The following MEAK7 variants were observed in gnomAD, a reference collection of about 807,000 sequenced individuals.
MEAK7 encodes the protein MTOR associated protein MEAK7, also known as MTOR-associated protein MEAK7.
Under a neutral mutation model 40.5 loss-of-function variants are expected in MEAK7, and 68 were observed. The ratio of observed to expected loss-of-function variants is 1.68; its 90% confidence interval spans 1.38 to 2.06. The LOEUF (loss-of-function observed/expected upper bound fraction) is 2.06, where lower values mean the gene tolerates loss of function less well. MEAK7 is among the 30% of genes most tolerant of loss of function. The probability of loss-of-function intolerance (pLI) is 0.00; values close to 1 mark genes in which losing one functional copy is unlikely to be tolerated. For missense variants in MEAK7, 918 were observed against 580.5 expected, an observed-to-expected ratio of 1.58 and a Z score of -5.98; for synonymous variants, 338 against 231.9, an observed-to-expected ratio of 1.46 and a Z score of -4.16.
At chr16:84,495,541 A>C in intron 3 of MEAK7, 142 bp downstream of exon 3, 1 of 771,362 alleles carries the variant, frequency 1.3e-6, no homozygotes, top group Non-Finnish European at 2.1e-6. Flanking sequence ...TAACCTTGGC[A>C]AAATAAACTC....
chr16:84,483,901 T>C (rs933125146), intron 5 of MEAK7, among the ~76,000 whole-genome samples: 1 of 152,078 alleles, frequency 6.6e-6, no homozygotes, highest in Admixed American at 6.5e-5. Context: ...GGCTAGAAAG[T>C]TCCACTGGAA....
At chr16:84,496,575 T>C (rs1031742446) in intron 2 of MEAK7, among the ~76,000 whole-genome samples, 5 of 152,154 alleles carry the variant, frequency 3.3e-5, no homozygotes, top group Admixed American at 2.6e-4. Flanking sequence ...CTTCCACTCA[T>C]CGTGAGCCGT....
In MEAK7 at chr16:84,480,679, C is replaced by T; in HGVS notation, c.1107G>A (p.Gly369=). 2 of 1,613,592 alleles carry T rather than the reference C, an allele frequency of 1.2e-6. No homozygotes were observed. The highest frequency in any genetic ancestry group is 8.5e-7 in the Non-Finnish European group (1 of 1,179,754). ...TCCCAAAATCAACATCCACCCAAAG[C>T]CCAAAGTAATTGTGCTGCCCCCCCA... is the stretch of plus-strand genomic sequence containing the variant. The part of the protein sequence containing the change: ...LGMGGQHNYF[G]LWVDVDFGKG... The change falls in exon 7 of 8, where the codon GGG becomes GGA. Residue 369 remains glycine, a synonymous_variant. Transcript: ENST00000343629.
At position 84,495,758 on chromosome 16, in the gene MEAK7, G is replaced by C. The variant is rs746713807; in HGVS notation, c.309C>G (p.Ser103=). Residue 103 remains serine, a synonymous_variant, in exon 3 of 8, where the codon TCC becomes TCG. Coordinates refer to ENST00000343629, the MANE Select transcript of MEAK7 (RefSeq NM_020947.4). ...TCATAATCATGAGACTCTTCTCCTC[G>C]GAGTTTCCTTTCAACAGGTGGGACA... ...ASMSHLLKGN[S]EEKSLMIMKM... is the part of the protein sequence containing the mutation. 6.2e-7 allele frequency: 1 copy of C among 1,613,954 alleles called. No homozygotes were observed. Among genetic ancestry groups the C allele is most frequent in the Non-Finnish European group, 8.5e-7 (1 of 1,180,006 alleles).
rs780593524 is a variant in MEAK7, at chr16:84,480,725, G to A, written c.1078-17C>T. 3 of 1,600,590 alleles carry A rather than the reference G, an allele frequency of 1.9e-6. No homozygotes were observed. Among genetic ancestry groups the A allele is most frequent in the African/African-American group, 1.3e-5 (1 of 74,578 alleles). On this transcript the variant is annotated splice_polypyrimidine_tract_variant and intron_variant, in intron 6 of 7. Transcript: ENST00000343629. The stretch of plus-strand genomic sequence containing the variant: ...CCCCATACCCTGCAAAGGAAGCCAG[G>A]ACAGAGAATAGCATCAGCAACTCCT...
At chr16:84,486,497 T>A in intron 5 of MEAK7, 134 bp downstream of exon 5, 1 of 1,439,272 alleles carries the variant, frequency 6.9e-7, no homozygotes, top group Non-Finnish European at 9.1e-7. Context: ...CATTTTCCTA[T>A]CGCCCCGACT....
At chr16:84,497,244 CCTT>C (rs1914126397) in intron 2 of MEAK7, 1 of 389,204 alleles carries the variant, frequency 2.6e-6, no homozygotes, top group African/African-American at 2.1e-5. Flanking sequence ...GACGGCATCT[CCTT>C]GTCAGTGTCT....
rs373100139 is a variant in MEAK7, at chr16:84,479,952, G to A, written c.1332C>T (p.Arg444=). The change falls in exon 8 of 8, where the codon CGC becomes CGT. Residue 444 remains arginine (R), a synonymous_variant. Transcript: ENST00000343629. The part of the protein sequence containing the change: ...QALLEISGHS[R]HSEGLREVPD... The stretch of plus-strand genomic sequence containing the variant: ...GGACTTCCCGGAGCCCTTCGCTGTG[G>A]CGCGAATGCCCACTGATCTCCAGCA... The A allele has an allele frequency of 8.1e-6, 13 of 1,610,298 alleles. No individual in the cohort carries two copies. The highest frequency in any genetic ancestry group is 5.0e-5 in the Admixed American group (3 of 59,876).
At chr16:84,486,062 G>C (rs1210705645) in intron 5 of MEAK7, 1 of 152,184 alleles carries the variant, frequency 6.6e-6, no homozygotes, top group South Asian at 2.1e-4. Context: ...CTGGGTTCAA[G>C]TGATCCTCCT....
At chr16:84,493,649 T>TA (rs1266883149) in intron 3 of MEAK7, among the ~76,000 whole-genome samples, 1 of 152,242 alleles carries the variant, frequency 6.6e-6, no homozygotes, top group African/African-American at 2.4e-5. Flanking sequence ...CTAATTTCTC[T>TA]AAAATTTGGA....
In MEAK7 at chr16:84,479,644, A is replaced by C. The variant is rs1354905730; in HGVS notation, c.*269T>G. 3.0e-6 allele frequency: 1 copy of C among 335,896 alleles called. No individual in the cohort carries two copies. Among genetic ancestry groups the C allele is most frequent in the Non-Finnish European group, 5.4e-6 (1 of 186,694 alleles). 20.8% of individuals were successfully genotyped at this position (335,896 alleles called of 1,614,324 possible). ...GAACAAAGTATAAGACTGAGTTACT[A>C]ATTTGACACAAGATTTCTTGGAGAG... On this transcript the variant is annotated 3_prime_UTR_variant, in exon 8 of 8. Coordinates refer to ENST00000343629, the MANE Select transcript of MEAK7 (RefSeq NM_020947.4).
intron 6 of MEAK7, among the ~76,000 whole-genome samples, 180 bp from the exon 7 acceptor site, chr16:84,480,888 T>A (rs1053300732): frequency 3.9e-5 from 6 of 152,176 alleles, no homozygotes; most frequent in African/African-American, 1.4e-4. Flanking sequence ...CATTTAAGCA[T>A]CCCATGCCAA....
chr16:84,488,692 A>C (rs1332436716), intron 4 of MEAK7, among the ~76,000 whole-genome samples: 1 of 152,244 alleles, frequency 6.6e-6, no homozygotes, highest in Non-Finnish European at 1.5e-5. Context: ...TTACATAGCC[A>C]GTAGGCCAAA....
chr16:84,481,840 A>G (rs1912577288), intron 6 of MEAK7, among the ~76,000 whole-genome samples: 1 of 152,178 alleles, frequency 6.6e-6, no homozygotes, highest in African/African-American at 2.4e-5. Flanking sequence ...AGGCTGAGGC[A>G]GGAGAATGGC....
Position 84,477,510 on chromosome 16 carries a change from A to T in MEAK7, c.*2403T>A, listed in dbSNP as rs1484144762. 1 of 150,926 alleles carries T rather than the reference A, an allele frequency of 6.6e-6. No homozygotes were observed. Among genetic ancestry groups the T allele is most frequent in the Non-Finnish European group, 1.5e-5 (1 of 67,960 alleles). The allele number at this position is 150,926 out of a possible 1,614,324, so 9.3% of individuals were successfully genotyped here. On this transcript the variant is annotated 3_prime_UTR_variant, in exon 8 of 8. Transcript: ENST00000343629. ...CCGGCCCCAGACTTTTTTTTAATTAAAAAATATGGTGGGAGAAAATAATAG... is the reference window on the plus strand; with the variant it reads ...CCGGCCCCAGACTTTTTTTTAATTATAAAATATGGTGGGAGAAAATAATAG...
At chr16:84,486,609 G>C in intron 5 of MEAK7, 22 bp downstream of exon 5, 1 of 1,575,058 alleles carries the variant, frequency 6.3e-7, no homozygotes, top group South Asian at 1.2e-5. Flanking sequence ...CACTCGTCAA[G>C]GTTCAGGACA....
chr16:84,504,615 T>C lies in MEAK7; in HGVS notation c.-40A>G, dbSNP rs1048076631. ...CAGGTACCTACCCTGCCGGGCTTCC[T>C]GGTGCTGTCCGGTCCGGTCCAGCAG... On this transcript the variant is annotated 5_prime_UTR_variant, in exon 1 of 8. Coordinates refer to ENST00000343629, the MANE Select transcript of MEAK7 (RefSeq NM_020947.4). The C allele has an allele frequency of 6.1e-6, 6 of 985,514 alleles. No individual in the cohort carries two copies. Among genetic ancestry groups the C allele is most frequent in the African/African-American group, 3.5e-5 (2 of 57,236 alleles). 61.0% of individuals were successfully genotyped at this position (985,514 alleles called of 1,614,324 possible). A position where few individuals can be genotyped will look rare whatever the true frequency, so the allele number is the denominator to read the frequency against.
intron 1 of MEAK7, among the ~76,000 whole-genome samples, chr16:84,500,514 C>T (rs1387092803): frequency 6.6e-6 from 1 of 152,190 alleles, no homozygotes; most frequent in Non-Finnish European, 1.5e-5. Context: ...GGCCTCACTG[C>T]TAATGTGCCC....
rs189277403 is a variant in MEAK7, at chr16:84,500,459, G to A, written c.-25-2348C>T. Among the ~76,000 whole-genome samples, 15 of 152,244 alleles carry A rather than the reference G, an allele frequency of 9.9e-5. No homozygotes were observed. In the East Asian group the frequency reaches 1.9e-3, roughly 20 times the overall value. On this transcript the variant is annotated intron_variant, in intron 1 of 7. Coordinates refer to ENST00000343629, the MANE Select transcript of MEAK7 (RefSeq NM_020947.4). ...CCCCACTAAAGCGAGTTATTTCTCC[G>A]CCTTTTATATGACACCCATCTTCGC...
Sources: gnomAD v4.1 joint callset for allele counts (sites outside exome capture counted in the v4.1 genomes callset) on GRCh38, gnomAD v4.1.1 for gene constraint, MANE v1.5 for transcripts, NCBI Gene and HGNC (gene_info 2026-07-23, HGNC 2026-07-21) for gene names.